The following SEMA7A variants were observed in gnomAD, a reference collection of about 807,000 sequenced individuals.
The protein encoded by SEMA7A is semaphorin-7A.
In SEMA7A, 21 loss-of-function variants were observed where a neutral mutation model predicts 67.5. The observed-to-expected ratio is 0.31, with a 90% CI of 0.22 to 0.45. The LOEUF is 0.45. SEMA7A is among the 20% of genes least tolerant of loss of function. The probability of loss-of-function intolerance (pLI) is 1.00; values close to 1 mark genes in which losing one functional copy is unlikely to be tolerated. For missense variants in SEMA7A, 774 were observed against 908.6 expected, an observed-to-expected ratio of 0.85 and a Z score of 1.90; for synonymous variants, 364 against 368.5, an observed-to-expected ratio of 0.99 and a Z score of 0.14.
rs1283328227 is a variant in SEMA7A at position 74,411,288 on chromosome 15, C to G, written c.1639+7G>C. On this transcript the variant is annotated splice_region_variant and intron_variant, in intron 13 of 13. Coordinates refer to ENST00000261918, the MANE Select transcript of SEMA7A (RefSeq NM_003612.5). This position sits in a 1 kb window ranked among gnomAD's most constrained non-coding sequence, Gnocchi z 4.4. The stretch of plus-strand genomic sequence containing the variant: ...GCCACAGCCGCCAGCAGGGCCAGAT[C>G]AGGTACCTGGTTTGGGGTTGGGACA... The G allele has an allele frequency of 6.2e-7, 1 of 1,613,706 alleles. No individual in the cohort carries two copies. The highest frequency in any genetic ancestry group is 8.5e-7 in the Non-Finnish European group (1 of 1,179,754).
intron 6 of SEMA7A, among the ~76,000 whole-genome samples, chr15:74,417,049 G>A (rs1042236148): frequency 1.3e-5 from 2 of 152,272 alleles, no homozygotes; most frequent in East Asian, 1.9e-4. Flanking sequence ...CTGCCTCCAC[G>A]TGAACTCAGC....
intron 1 of SEMA7A, among the ~76,000 whole-genome samples, chr15:74,419,750 T>A (rs542863517): frequency 2.6e-5 from 4 of 152,028 alleles, no homozygotes; most frequent in East Asian, 1.9e-4. Context: ...CTCCGGGGGG[T>A]GAAGATCGGC....
chr15:74,424,263 G>A (rs1361338441), intron 1 of SEMA7A, among the ~76,000 whole-genome samples: 5 of 152,104 alleles, frequency 3.3e-5, no homozygotes, highest in African/African-American at 9.7e-5. Context: ...AGCTGGGTGC[G>A]AGTCAGGGTG....
rs928043294 is a variant in SEMA7A at position 74,433,904 on chromosome 15, C to T, written c.15G>A (p.Pro5=). 132 of 1,254,190 alleles carry T rather than the reference C, an allele frequency of 1.1e-4. No individual in the cohort carries two copies. The highest frequency in any genetic ancestry group is 1.2e-4 in the Non-Finnish European group (120 of 1,003,118). 77.7% of individuals were successfully genotyped at this position (1,254,190 alleles called of 1,614,324 possible). A position where few individuals can be genotyped will look rare whatever the true frequency, so the allele number is the denominator to read the frequency against. ...GTGCGCTGGGGGCGGCACGTCCGGG[C>T]GGAGGAGGCGTCATCCCGTGGCCCC... MTPP[P]PGRAAPSAPR... Residue 5 remains proline, a synonymous_variant, in exon 1 of 14, where the codon CCG becomes CCA. Transcript: ENST00000261918.
Position 74,416,727 on chromosome 15 carries a change from G to C in SEMA7A, c.662-13C>G. On this transcript the variant is annotated splice_polypyrimidine_tract_variant and intron_variant, in intron 6 of 13. Coordinates refer to ENST00000261918, the MANE Select transcript of SEMA7A (RefSeq NM_003612.5). ...ATGAACTGTGGGTCTGCCAGGGACA[G>C]AGGCGAGTGGGCGTAAGGCTGGGAA... 2 of 1,613,240 alleles carry C rather than the reference G, an allele frequency of 1.2e-6. No homozygotes were observed. The highest frequency in any genetic ancestry group is 1.7e-6 in the Non-Finnish European group (2 of 1,179,466).
At chr15:74,412,413 G>C (rs1395808075) in intron 10 of SEMA7A, among the ~76,000 whole-genome samples, 1 of 152,196 alleles carries the variant, frequency 6.6e-6, no homozygotes, top group Non-Finnish European at 1.5e-5. Flanking sequence ...GGCTCAGAAA[G>C]GCTAAGCCAC....
At chr15:74,433,550 C>T (rs1278404798) in intron 1 of SEMA7A, 191 bp downstream of exon 1, 71 of 1,213,038 alleles carry the variant, frequency 5.9e-5, no homozygotes, top group Non-Finnish European at 6.9e-5. Context: ...GCGTTACAGC[C>T]GGCTCTGGTG....
Position 74,414,791 on chromosome 15 carries a change from A to T in SEMA7A, c.1096-46T>A. 6.2e-7 allele frequency: 1 copy of T among 1,613,686 alleles called. No homozygotes were observed. The highest frequency in any genetic ancestry group is 1.1e-5 in the South Asian group (1 of 91,052). On this transcript the variant is annotated intron_variant, in intron 9 of 13. Coordinates refer to ENST00000261918, the MANE Select transcript of SEMA7A (RefSeq NM_003612.5). This position sits in a 1 kb window ranked among gnomAD's most constrained non-coding sequence, Gnocchi z 4.1. Reference sequence around the variant, plus strand: ...CAGGTCAGTGGGGTGGTGGGAGGTGAGGCAGAAGGAGGGCTGGGCCTGGGC... The same window carrying T: ...CAGGTCAGTGGGGTGGTGGGAGGTGTGGCAGAAGGAGGGCTGGGCCTGGGC...
chr15:74,421,474 G>T (rs549567094), intron 1 of SEMA7A, among the ~76,000 whole-genome samples: 1 of 152,106 alleles, frequency 6.6e-6, no homozygotes, highest in African/African-American at 2.4e-5. Flanking sequence ...GGGACTGTTC[G>T]TCCCATTTTG....
In SEMA7A at chr15:74,414,554, T is replaced by C; in HGVS notation, c.1287A>G (p.Leu429=). 6.2e-7 allele frequency: 1 copy of C among 1,614,142 alleles called. No individual in the cohort carries two copies. Among genetic ancestry groups the C allele is most frequent in the Non-Finnish European group, 8.5e-7 (1 of 1,179,990 alleles). ...SHGETFHVLY[L]TTDRGTIHKV... Reference sequence around the variant, plus strand: ...CCCGGGGTAGCCTCTCACCTGTAGTTAGGTAAAGCACATGAAAGGTCTCCC... The same window carrying C: ...CCCGGGGTAGCCTCTCACCTGTAGTCAGGTAAAGCACATGAAAGGTCTCCC... The change falls in exon 10 of 14, where the codon CTA becomes CTG. Residue 429 remains leucine (L), a synonymous_variant. Coordinates refer to ENST00000261918, the MANE Select transcript of SEMA7A (RefSeq NM_003612.5). The surrounding 1 kb of genome is among the most constrained non-coding windows in gnomAD (Gnocchi z 4.1).
At chr15:74,418,110 T>C (rs1372149496) in intron 3 of SEMA7A, 141 bp from the exon 4 acceptor site, 4 of 1,141,626 alleles carry the variant, frequency 3.5e-6, no homozygotes, top group African/African-American at 3.1e-5. Context: ...CAGCCCAGAG[T>C]GTGTGCAGCT....
intron 1 of SEMA7A, among the ~76,000 whole-genome samples, chr15:74,430,828 G>A (rs1163538265): frequency 6.6e-6 from 1 of 152,166 alleles, no homozygotes; most frequent in East Asian, 1.9e-4. Context: ...TCATCCCCTG[G>A]AGGAGGTAAC....
At position 74,414,783 on chromosome 15, in the gene SEMA7A, G is replaced by A. The variant is rs758656795; in HGVS notation, c.1096-38C>T. 5 of 1,613,904 alleles carry A rather than the reference G, an allele frequency of 3.1e-6. No homozygotes were observed. Among genetic ancestry groups the A allele is most frequent in the Non-Finnish European group, 3.4e-6 (4 of 1,179,838 alleles). On this transcript the variant is annotated intron_variant, in intron 9 of 13. Transcript: ENST00000261918. This position sits in a 1 kb window ranked among gnomAD's most constrained non-coding sequence, Gnocchi z 4.1. Reference sequence around the variant, plus strand: ...AGCAGGCCCAGGTCAGTGGGGTGGTGGGAGGTGAGGCAGAAGGAGGGCTGG... The same window carrying A: ...AGCAGGCCCAGGTCAGTGGGGTGGTAGGAGGTGAGGCAGAAGGAGGGCTGG...
chr15:74,415,060 G>T (rs1402519748), intron 8 of SEMA7A, 114 bp from the exon 9 acceptor site: 2 of 800,388 alleles, frequency 2.5e-6, no homozygotes, highest in African/African-American at 3.4e-5. Flanking sequence ...ACTGAAAATG[G>T]GGAGGGATGG....
At chr15:74,418,994 CGA>C in intron 1 of SEMA7A, 42 bp from the exon 2 acceptor site, 1 of 1,598,202 alleles carries the variant, frequency 6.3e-7, no homozygotes. Context: ...AGCCAGGTCC[CGA>C]GAGAGAAGAC....
intron 1 of SEMA7A, among the ~76,000 whole-genome samples, chr15:74,420,442 A>G (rs1443028363): frequency 1.3e-5 from 2 of 152,302 alleles, no homozygotes; most frequent in Non-Finnish European, 2.9e-5. Context: ...GGCTACAGAG[A>G]GAAGTGCTGA....
intron 1 of SEMA7A, among the ~76,000 whole-genome samples, chr15:74,426,215 T>G (rs1252267018): frequency 6.6e-6 from 1 of 152,066 alleles, no homozygotes; most frequent in East Asian, 1.9e-4. Flanking sequence ...GCAGAGGTTA[T>G]AGTGAGCTGA....
At chr15:74,412,141 G>A (rs562619004) in intron 10 of SEMA7A, 129 bp from the exon 11 acceptor site, 12 of 1,118,786 alleles carry the variant, frequency 1.1e-5, no homozygotes, top group South Asian at 7.4e-5. Context: ...TGGGCAGGGC[G>A]AGGAGAGCGT....
At chr15:74,426,632 C>T (rs961438562) in intron 1 of SEMA7A, among the ~76,000 whole-genome samples, 3 of 152,134 alleles carry the variant, frequency 2.0e-5, no homozygotes, top group Admixed American at 2.0e-4. Flanking sequence ...TCTGTGGGGC[C>T]GGGTGCCATG....
Sources: allele counts gnomAD v4.1 joint callset (sites outside exome capture counted in the v4.1 genomes callset), GRCh38; gene constraint gnomAD v4.1.1; non-coding constraint Gnocchi (gnomAD v3.1); transcripts MANE v1.5; gene names NCBI Gene and HGNC (gene_info 2026-07-23, HGNC 2026-07-21).